Variants in AMPD2 observed in about 807,000 individuals in gnomAD.
AMPD2 encodes AMP deaminase 2.
Under a neutral mutation model 91.3 loss-of-function variants are expected in AMPD2, and 52 were observed. The ratio of observed to expected loss-of-function variants is 0.57; its 90% confidence interval spans 0.46 to 0.72. AMPD2 has a LOEUF of 0.72. Ranked by LOEUF, AMPD2 falls within the 30% of genes least tolerant of loss-of-function variation. The probability of loss-of-function intolerance (pLI) is 0.00; values close to 1 mark genes in which losing one functional copy is unlikely to be tolerated. For missense variants in AMPD2, 822 were observed against 1,122.3 expected (o/e 0.73, Z 3.82); for synonymous variants, 455 against 456.4 (o/e 1.00, Z 0.04).
chr1:109,629,430 C>A lies in AMPD2; in HGVS notation c.1802C>A (p.Pro601His). The A allele has an allele frequency of 6.2e-7, 1 of 1,614,066 alleles. No homozygotes were observed. The highest frequency in any genetic ancestry group is 8.5e-7 in the Non-Finnish European group (1 of 1,179,990). The change falls in exon 15 of 19, where the codon CCC becomes CAC. Residue 601 changes from proline (P) to histidine (H), a missense_variant. Transcript: ENST00000528667. ...GCGTGGGTGGAGGAGGACAACCCAC[C>A]CTATGCCTACTACCTGTACTACACC... ...PEAWVEEDNP[P>H]YAYYLYYTFA...
At chr1:109,629,293 C>T (rs1650994337) in intron 14 of AMPD2, 34 bp from the exon 15 acceptor site, 3 of 1,613,872 alleles carry the variant, frequency 1.9e-6, no homozygotes, top group South Asian at 2.2e-5. Flanking sequence ...CATCCAGCTG[C>T]AGCTCTGGTT....
intron 1 of AMPD2, chr1:109,620,480 C>T: frequency 8.6e-7 from 1 of 1,167,488 alleles, no homozygotes; most frequent in East Asian, 3.2e-5. Flanking sequence ...CTGTCCCAGA[C>T]CCCCAGACAA....
Position 109,625,550 on chromosome 1 carries a change from A to G in AMPD2, c.223-112A>G. The G allele has an allele frequency of 6.3e-7, 1 of 1,593,678 alleles. No homozygotes were observed. The stretch of plus-strand genomic sequence containing the variant: ...CACGCTTGGCTGTCTCCTGATCCTC[A>G]GCCTCTCCCAGGTACCCCTGGTCCT... On this transcript the variant is annotated intron_variant, in intron 3 of 18. Coordinates refer to ENST00000528667, the MANE Select transcript of AMPD2 (RefSeq NM_001368809.2). This position sits in a 1 kb window ranked among gnomAD's most constrained non-coding sequence, Gnocchi z 4.0.
chr1:109,621,394 C>A, intron 2 of AMPD2, 128 bp downstream of exon 2: 1 of 1,006,228 alleles, frequency 9.9e-7, no homozygotes, highest in African/African-American at 1.6e-5. Context: ...GCCCCTCAAC[C>A]TCAGTCCCAG....
intron 2 of AMPD2, chr1:109,621,564 G>C: frequency 1.9e-6 from 1 of 539,168 alleles, no homozygotes; most frequent in Non-Finnish European, 3.4e-6. Context: ...CATGTGCTAA[G>C]ACTGCGTGTG....
Position 109,630,969 on chromosome 1 carries a change from C to T in AMPD2, c.2295C>T (p.Asn765=), listed in dbSNP as rs781391169. ...HKVKSHWLGP[N]YTKEGPEGND... ...TAAAGAGCCACTGGCTGGGACCCAACTATACCAAGGAAGGCCCTGAGGGGA... is the reference window on the plus strand; with the variant it reads ...TAAAGAGCCACTGGCTGGGACCCAATTATACCAAGGAAGGCCCTGAGGGGA... Residue 765 remains asparagine (N), a synonymous_variant, in exon 19 of 19, where the codon AAC becomes AAT. Coordinates refer to ENST00000528667, the MANE Select transcript of AMPD2 (RefSeq NM_001368809.2). 4.3e-6 allele frequency: 7 copies of T among 1,614,014 alleles called. No individual in the cohort carries two copies. Among genetic ancestry groups the T allele is most frequent in the South Asian group, 1.1e-5 (1 of 91,094 alleles).
rs769069013 is a variant in AMPD2, at chr1:109,629,381, A to T, written c.1753A>T (p.Asn585Tyr). The change falls in exon 15 of 19, where the codon AAC (asparagine) becomes TAC (tyrosine). Residue 585 changes from asparagine to tyrosine, a missense_variant. Physicochemically the swap from Asn to Tyr is moderately radical, Grantham distance 143 (BLOSUM62 -2). Transcript: ENST00000528667. The stretch of plus-strand genomic sequence containing the variant: ...GTCCAAGCCTGAAAACCATGTCTTC[A>T]ACCTGGAGAGCCCCCTGCCTGAGGC... The part of the protein sequence containing the change: ...DESKPENHVF[N>Y]LESPLPEAWV... 4 of 1,614,132 alleles carry T rather than the reference A, an allele frequency of 2.5e-6. No homozygotes were observed. The highest frequency in any genetic ancestry group is 8.5e-7 in the Non-Finnish European group (1 of 1,180,018).
Position 109,625,651 on chromosome 1 carries a change from C to T in AMPD2, c.223-11C>T, listed in dbSNP as rs867651410. ...GGGCCAGCCATGCTGACCTTCCTTCCCTCCCCCCAGGAGCTGTTCACCCGC... is the reference window on the plus strand; with the variant it reads ...GGGCCAGCCATGCTGACCTTCCTTCTCTCCCCCCAGGAGCTGTTCACCCGC... On this transcript the variant is annotated splice_polypyrimidine_tract_variant and intron_variant, in intron 3 of 18. Transcript: ENST00000528667. The surrounding 1 kb of genome is among the most constrained non-coding windows in gnomAD (Gnocchi z 4.0). 1 of 1,612,480 alleles carries T rather than the reference C, an allele frequency of 6.2e-7. No homozygotes were observed. The highest frequency in any genetic ancestry group is 1.1e-5 in the South Asian group (1 of 91,020).
intron 2 of AMPD2, among the ~76,000 whole-genome samples, chr1:109,622,685 G>A (rs371581934): frequency 1.3e-5 from 2 of 152,236 alleles, no homozygotes; most frequent in East Asian, 1.9e-4. Flanking sequence ...TGGCAGGCTG[G>A]GGGGATGGCA....
At chr1:109,620,490 AG>A (rs771118771) in intron 1 of AMPD2, 6 of 1,163,600 alleles carry the variant, frequency 5.2e-6, no homozygotes, top group Non-Finnish European at 6.7e-6. Flanking sequence ...CCCCCAGACA[AG>A]GGGGTCTCCT....
chr1:109,620,476 C>CA (rs1233757641), intron 1 of AMPD2, 198 bp downstream of exon 1: 1 of 1,162,068 alleles, frequency 8.6e-7, no homozygotes, highest in Non-Finnish European at 1.1e-6. Context: ...GTCTCTGTCC[C>CA]AGACCCCCAG....
chr1:109,631,133 T>C lies in AMPD2; in HGVS notation c.2459T>C (p.Met820Thr), dbSNP rs756199297. ...ETIPEEAGIT[M>T]SPGPQ ...ATTCCAGAGGAGGCGGGTATCACCA[T>C]GAGCCCAGGGCCTCAATGAGCCTGG... is the stretch of plus-strand genomic sequence containing the variant. Residue 820 changes from methionine (M) to threonine (T), a missense_variant, in exon 19 of 19, where the codon ATG becomes ACG. Physicochemically the swap from Met to Thr is moderately conservative, Grantham distance 81. This residue lies in a region of AMPD2 where 430 missense variants were observed against 606.0 expected (regional missense o/e 0.71). Transcript: ENST00000528667. 9 of 1,589,480 alleles carry C rather than the reference T, an allele frequency of 5.7e-6. No homozygotes were observed. Among genetic ancestry groups the C allele is most frequent in the Non-Finnish European group, 7.7e-6 (9 of 1,168,172 alleles).
In AMPD2 at chr1:109,625,955, C is replaced by A; in HGVS notation, c.353+163C>A. The A allele has an allele frequency of 8.0e-7, 1 of 1,255,896 alleles. No individual in the cohort carries two copies. Among genetic ancestry groups the A allele is most frequent in the Non-Finnish European group, 1.1e-6 (1 of 904,898 alleles). 77.8% of individuals were successfully genotyped at this position (1,255,896 alleles called of 1,614,324 possible). A position where few individuals can be genotyped will look rare whatever the true frequency, so the allele number is the denominator to read the frequency against. On this transcript the variant is annotated intron_variant, in intron 4 of 18. Coordinates refer to ENST00000528667, the MANE Select transcript of AMPD2 (RefSeq NM_001368809.2). This position sits in a 1 kb window ranked among gnomAD's most constrained non-coding sequence, Gnocchi z 4.0. ...TGCTGGGTTCTGTTCTGTCTTCTAG[C>A]CGCCGGTGTGGCTGGGTCATGTTGC...
chr1:109,627,186 C>G lies in AMPD2; in HGVS notation c.730C>G (p.His244Asp). The part of the protein sequence containing the change: ...DTPVSADAPV[H>D]PPALEQHPYE... ...CCTCACCCCTGCAGATGCCCCGGTG[C>G]ACCCCCCTGCGCTGGAGCAGCACCC... Residue 244 changes from histidine to aspartate, a missense_variant, in exon 8 of 19, where the codon CAC (histidine) becomes GAC (aspartate). Physicochemically the swap from His to Asp is moderately conservative, Grantham distance 81. This residue lies in a region of AMPD2 where 240 missense variants were observed against 270.3 expected (regional missense o/e 0.89). Coordinates refer to ENST00000528667, the MANE Select transcript of AMPD2 (RefSeq NM_001368809.2). 1 of 1,613,224 alleles carries G rather than the reference C, an allele frequency of 6.2e-7. No homozygotes were observed. Among genetic ancestry groups the G allele is most frequent in the Non-Finnish European group, 8.5e-7 (1 of 1,179,886 alleles).
chr1:109,622,909 G>A (rs201684145), intron 2 of AMPD2, among the ~76,000 whole-genome samples: 1 of 152,066 alleles, frequency 6.6e-6, no homozygotes, highest in Non-Finnish European at 1.5e-5. Flanking sequence ...CAGGGTTCTC[G>A]GGCAAGAAAA....
chr1:109,628,692 G>A lies in AMPD2; in HGVS notation c.1457G>A (p.Arg486Gln), dbSNP rs192669225. 5.0e-6 allele frequency: 8 copies of A among 1,613,822 alleles called. No individual in the cohort carries two copies. The highest frequency in any genetic ancestry group is 1.1e-5 in the South Asian group (1 of 91,040). The change falls in exon 13 of 19, where the codon CGG (arginine) becomes CAG (glutamine). Residue 486 changes from arginine to glutamine, a missense_variant. Physicochemically the swap from Arg to Gln is conservative, Grantham distance 43. Transcript: ENST00000528667. This position sits in a 1 kb window ranked among gnomAD's most constrained non-coding sequence, Gnocchi z 7.1. ...EESKYQNAEL[R>Q]LSIYGRSRDE... ...AGCAAATACCAGAATGCAGAGCTGCGGCTCTCCATTTACGGGCGCTCGAGG... is the reference window on the plus strand; with the variant it reads ...AGCAAATACCAGAATGCAGAGCTGCAGCTCTCCATTTACGGGCGCTCGAGG...
chr1:109,626,573 A>T, intron 6 of AMPD2, 146 bp downstream of exon 6: 1 of 1,312,390 alleles, frequency 7.6e-7, no homozygotes, highest in Non-Finnish European at 1.0e-6. Flanking sequence ...GCTGCCTAGG[A>T]GCCACTTGAT....
chr1:109,625,908 A>T lies in AMPD2; in HGVS notation c.353+116A>T, dbSNP rs1251670624. On this transcript the variant is annotated intron_variant, in intron 4 of 18. Coordinates refer to ENST00000528667, the MANE Select transcript of AMPD2 (RefSeq NM_001368809.2). The surrounding 1 kb of genome is among the most constrained non-coding windows in gnomAD (Gnocchi z 4.0). ...CTTGGGGGGTCTGCACAGGGAGCAT[A>T]GAGTGGGCTTTGGAGTCGGGCTGCT... 3.4e-6 allele frequency: 5 copies of T among 1,481,162 alleles called. No individual in the cohort carries two copies. The highest frequency in any genetic ancestry group is 4.5e-6 in the Non-Finnish European group (5 of 1,099,128). The allele number at this position is 1,481,162 out of a possible 1,614,324, so 91.8% of individuals were successfully genotyped here.
chr1:109,631,006 C>G lies in AMPD2; in HGVS notation c.2332C>G (p.Arg778Gly). The G allele has an allele frequency of 6.2e-7, 1 of 1,614,164 alleles. No individual in the cohort carries two copies. Among genetic ancestry groups the G allele is most frequent in the Non-Finnish European group, 8.5e-7 (1 of 1,180,028 alleles). ...AGGCCCTGAGGGGAATGACATCCGC[C>G]GGACCAATGTGCCAGACATCCGCGT... Reference protein sequence around the residue: ...KEGPEGNDIRRTNVPDIRVGY... With the variant: ...KEGPEGNDIRGTNVPDIRVGY... The change falls in exon 19 of 19, where the codon CGG becomes GGG. Residue 778 changes from arginine to glycine, a missense_variant. Transcript: ENST00000528667.
Sources: allele counts gnomAD v4.1 joint callset (sites outside exome capture counted in the v4.1 genomes callset), GRCh38; gene constraint gnomAD v4.1.1; regional missense constraint gnomAD v4.1.1; non-coding constraint Gnocchi (gnomAD v3.1); transcripts MANE v1.5; gene names NCBI Gene and HGNC (gene_info 2026-07-23, HGNC 2026-07-21).